Variants in DYM observed in about 807,000 individuals in gnomAD.
The protein encoded by DYM is dymeclin, also known as dyggve-Melchior-Clausen syndrome protein.
DYM carries 78 observed loss-of-function variants against 93.1 expected under a neutral mutation model. The observed-to-expected ratio is 0.84, with a 90% confidence interval of 0.70 to 1.01. The LOEUF is 1.01. Ranked by LOEUF, DYM falls within the 50% of genes least tolerant of loss-of-function variation. DYM has a pLI of 0.00. For synonymous variants in DYM, 321 were observed against 319.7 expected (o/e 1.00, Z -0.04); for missense variants, 789 against 845.0 (o/e 0.93, Z 0.82).
intron 13 of DYM, among the ~76,000 whole-genome samples, chr18:49,216,834 A>G (rs2093076346): frequency 6.6e-6 from 1 of 152,216 alleles, no homozygotes; most frequent in African/African-American, 2.4e-5. Flanking sequence ...GGAAACTCTA[A>G]AAAGCAGAGT....
intron 17 of DYM, among the ~76,000 whole-genome samples, chr18:49,090,429 G>A (rs1270803376): frequency 6.6e-6 from 1 of 152,166 alleles, no homozygotes; most frequent in African/African-American, 2.4e-5. Context: ...AGTCTAAAGT[G>A]ATAAAAATAA....
intron 3 of DYM, among the ~76,000 whole-genome samples, chr18:49,383,394 G>C (rs1435536701): frequency 6.6e-6 from 1 of 152,102 alleles, no homozygotes; most frequent in Non-Finnish European, 1.5e-5. Flanking sequence ...TTCAATCTGG[G>C]AACTTCCAAA....
chr18:49,090,030 T>C (rs940248396), intron 17 of DYM, among the ~76,000 whole-genome samples: 2 of 152,236 alleles, frequency 1.3e-5, no homozygotes, highest in Admixed American at 6.5e-5. Flanking sequence ...CGTGTGCATG[T>C]CAGACCATGG....
intron 13 of DYM, among the ~76,000 whole-genome samples, chr18:49,238,556 G>C (rs1224579782): frequency 6.6e-6 from 1 of 151,968 alleles, no homozygotes; most frequent in Non-Finnish European, 1.5e-5. Flanking sequence ...GCCTAGCACA[G>C]AGCCTGGTGC....
chr18:49,215,175 T>C (rs2092973180), intron 13 of DYM, among the ~76,000 whole-genome samples: 1 of 152,258 alleles, frequency 6.6e-6, no homozygotes, highest in South Asian at 2.1e-4. Context: ...GTCTAACTTA[T>C]TTCCTTACAC....
At position 49,063,713 on chromosome 18, in the gene DYM, G is replaced by A. The variant is rs142290915; in HGVS notation, c.2026-19509C>T. Among the ~76,000 whole-genome samples, 195 of 143,404 alleles carry A rather than the reference G, an allele frequency of 1.4e-3. 2 individuals carry two copies. The highest frequency in any genetic ancestry group is 4.8e-3 in the African/African-American group (186 of 38,556). 94.1% of individuals were successfully genotyped at this position (143,404 alleles called of 152,430 possible). On this transcript the variant is annotated intron_variant, in intron 17 of 17. Transcript: ENST00000675505. Reference sequence around the variant, plus strand: ...GCCATCTTGGCTCACTGCAGCCTCCGCTTCCTGGGTTGAAGCGATTCTCCC... The same window carrying A: ...GCCATCTTGGCTCACTGCAGCCTCCACTTCCTGGGTTGAAGCGATTCTCCC...
chr18:49,453,629 C>T (rs921133342), intron 1 of DYM, among the ~76,000 whole-genome samples: 2 of 152,204 alleles, frequency 1.3e-5, no homozygotes, highest in African/African-American at 2.4e-5. Flanking sequence ...AAGAACCCAC[C>T]AATTCTGGAC....
intron 14 of DYM, among the ~76,000 whole-genome samples, chr18:49,168,711 A>T (rs546438179): frequency 3.9e-5 from 6 of 152,250 alleles, no homozygotes; most frequent in Non-Finnish European, 8.8e-5. Context: ...AGAAAAAAAA[A>T]ATTTTTACAA....
intron 15 of DYM, among the ~76,000 whole-genome samples, chr18:49,137,066 C>T (rs532337867): frequency 1.6e-4 from 24 of 152,314 alleles, no homozygotes; most frequent in African/African-American, 5.5e-4. Flanking sequence ...GAAGATGCAG[C>T]TGATTCTACA....
At chr18:49,378,437 G>C in intron 5 of DYM, 130 bp downstream of exon 5, 2 of 886,388 alleles carry the variant, frequency 2.3e-6, no homozygotes, top group South Asian at 1.7e-5. Flanking sequence ...AAAAATGACA[G>C]TATAAGTTCA....
chr18:49,304,904 C>T (rs1221456847), intron 8 of DYM, among the ~76,000 whole-genome samples: 1 of 152,118 alleles, frequency 6.6e-6, no homozygotes, highest in Non-Finnish European at 1.5e-5. Flanking sequence ...CTCTATTCTA[C>T]CTCAGCTACC....
chr18:49,292,347 G>GACACACAC (rs1389526313), intron 8 of DYM, among the ~76,000 whole-genome samples: 10 of 68,486 alleles, frequency 1.5e-4, no homozygotes, highest in East Asian at 5.8e-4. Context: ...CAGACAGACA[G>GACACACAC]ACAGACAGAC....
chr18:49,328,194 T>C (rs2063042459), intron 8 of DYM, among the ~76,000 whole-genome samples: 1 of 152,224 alleles, frequency 6.6e-6, no homozygotes, highest in African/African-American at 2.4e-5. Context: ...TAAACATTAG[T>C]TCTCATTTTA....
At chr18:49,140,540 C>CT (rs2084369818) in intron 15 of DYM, among the ~76,000 whole-genome samples, 1 of 152,122 alleles carries the variant, frequency 6.6e-6, no homozygotes, top group Non-Finnish European at 1.5e-5. Flanking sequence ...TTAAGCATAA[C>CT]TTAATTTAAA....
intron 15 of DYM, among the ~76,000 whole-genome samples, chr18:49,145,989 TTTAA>T (rs1449122559): frequency 6.6e-6 from 1 of 152,210 alleles, no homozygotes; most frequent in African/African-American, 2.4e-5. Context: ...GTCCCCTTAG[TTTAA>T]TTGTCATTTT....
chr18:49,250,212 T>C (rs1276050799), intron 13 of DYM, among the ~76,000 whole-genome samples: 3 of 152,230 alleles, frequency 2.0e-5, no homozygotes, highest in Non-Finnish European at 4.4e-5. Flanking sequence ...ATTGTGTGCC[T>C]AGAGAGAGCA....
rs550326937 is a variant in DYM at position 49,129,633 on chromosome 18, T to C, written c.1729-10707A>G. Among the ~76,000 whole-genome samples, 335 of 152,282 alleles carry C rather than the reference T, an allele frequency of 2.2e-3. 2 individuals are homozygous for C. The highest frequency in any genetic ancestry group is 4.0e-3 in the Non-Finnish European group (273 of 68,004). On this transcript the variant is annotated intron_variant, in intron 15 of 17. Transcript: ENST00000675505. Reference sequence around the variant, plus strand: ...AGATGCAAGAGATTTTATGTTCACTTAAGAGTTCTTTCTCACTATCCTCTA... The same window carrying C: ...AGATGCAAGAGATTTTATGTTCACTCAAGAGTTCTTTCTCACTATCCTCTA...
rs1403605942 is a variant in DYM, at chr18:49,040,565, A to T, written c.*3490T>A. ...CACTGAATAGAAACTGACCTCTTTG[A>T]CTCCAGGAGGTGATGTAGGACACTG... is the stretch of plus-strand genomic sequence containing the variant. On this transcript the variant is annotated 3_prime_UTR_variant, in exon 18 of 18. Coordinates refer to ENST00000675505, the MANE Select transcript of DYM (RefSeq NM_001353214.3). Among the ~76,000 whole-genome samples, 2 of 152,138 alleles carry T rather than the reference A, an allele frequency of 1.3e-5. No homozygotes were observed. The highest frequency in any genetic ancestry group is 4.8e-5 in the African/African-American group (2 of 41,410).
intron 15 of DYM, among the ~76,000 whole-genome samples, chr18:49,120,764 C>T (rs1406845948): frequency 3.3e-5 from 5 of 152,160 alleles, no homozygotes; most frequent in Non-Finnish European, 5.9e-5. Flanking sequence ...TTTACTTCCC[C>T]TGCTTAAGAG....
Sources: gnomAD v4.1 joint callset for allele counts (sites outside exome capture counted in the v4.1 genomes callset) on GRCh38, gnomAD v4.1.1 for gene constraint, MANE v1.5 for transcripts, NCBI Gene and HGNC (gene_info 2026-07-23, HGNC 2026-07-21) for gene names.